LHX1: variants seen among roughly 807,000 people sequenced by gnomAD.
The protein encoded by LHX1 is LIM/homeobox protein Lhx1.
Under a neutral mutation model 34.1 loss-of-function variants are expected in LHX1, and 9 were observed. The observed-to-expected ratio is 0.26, with a 90% CI of 0.16 to 0.46. LHX1 has a LOEUF of 0.46. Among genes scored for constraint, LHX1 ranks in the 20% least tolerant of loss-of-function variants. The probability of loss-of-function intolerance (pLI) is 1.00; values close to 1 mark genes in which losing one functional copy is unlikely to be tolerated. For synonymous variants in LHX1, 254 were observed against 241.5 expected (o/e 1.05, Z -0.48); for missense variants, 446 against 559.1 (o/e 0.80, Z 2.04).
intron 1 of LHX1, 32 bp from the exon 2 acceptor site, chr17:36,940,258 C>CGGGGG: frequency 1.3e-5 from 7 of 528,878 alleles, no homozygotes; most frequent in Middle Eastern, 5.1e-4. Context: ...GACCCATCCC[C>CGGGGG]GCCCCCGCCC....
intron 3 of LHX1, chr17:36,941,244 T>A: frequency 1.9e-6 from 1 of 528,082 alleles, no homozygotes; most frequent in Non-Finnish European, 3.5e-6. Context: ...AGTCTCAGTG[T>A]CCCCCAGAGT....
rs963014837 is a variant in LHX1 at position 36,942,385 on chromosome 17, C to T, written c.841+20C>T. On this transcript the variant is annotated intron_variant, in intron 4 of 4. Coordinates refer to ENST00000614239, the MANE Select transcript of LHX1 (RefSeq NM_005568.5). ...ACGGAGGTGGGTGCGCGCCGAATGG[C>T]GGGGCGCGGCCAGGTCGGGGCGGGC... The T allele has an allele frequency of 9.6e-6, 15 of 1,566,464 alleles. No homozygotes were observed. Among genetic ancestry groups the T allele is most frequent in the Non-Finnish European group, 1.2e-5 (14 of 1,156,760 alleles).
At position 36,940,503 on chromosome 17, in the gene LHX1, C is replaced by T; in HGVS notation, c.384C>T (p.Asn128=). The part of the protein sequence containing the change: ...YLSNSSVAKE[N]SLHSATTGSD... Reference sequence around the variant, plus strand: ...GTAACAGCAGTGTTGCCAAAGAGAACAGCCTTCACTCGGGTGAGGCCCCAA... The same window carrying T: ...GTAACAGCAGTGTTGCCAAAGAGAATAGCCTTCACTCGGGTGAGGCCCCAA... The change falls in exon 2 of 5, where the codon AAC becomes AAT. Residue 128 remains asparagine (N), a synonymous_variant. Coordinates refer to ENST00000614239, the MANE Select transcript of LHX1 (RefSeq NM_005568.5). The T allele has an allele frequency of 5.0e-6, 8 of 1,613,968 alleles. No individual in the cohort carries two copies. Among genetic ancestry groups the T allele is most frequent in the African/African-American group, 1.3e-5 (1 of 75,070 alleles).
At position 36,940,528 on chromosome 17, in the gene LHX1, A is replaced by G. The variant is rs889066008; in HGVS notation, c.397+12A>G. On this transcript the variant is annotated intron_variant, in intron 2 of 4. Transcript: ENST00000614239. ...CAGCCTTCACTCGGGTGAGGCCCCA[A>G]TTCCTGGCTGGCTAGGTGCAAGCGG... 3.7e-6 allele frequency: 6 copies of G among 1,613,688 alleles called. No individual in the cohort carries two copies. Among genetic ancestry groups the G allele is most frequent in the Middle Eastern group, 1.6e-4 (1 of 6,062 alleles).
In LHX1 at chr17:36,937,691, G is replaced by A. The variant is rs905121503; in HGVS notation, c.-507G>A. ...TGGTGGGCAGCCTGGCACGCACACA[G>A]TCGCCCTCATACCCCGACAAAAGCA... On this transcript the variant is annotated 5_prime_UTR_variant, in exon 1 of 5. Transcript: ENST00000614239. 9 of 410,644 alleles carry A rather than the reference G, an allele frequency of 2.2e-5. No homozygotes were observed. Among genetic ancestry groups the A allele is most frequent in the Non-Finnish European group, 2.5e-5 (5 of 203,962 alleles). The allele number at this position is 410,644 out of a possible 1,614,324, so 25.4% of individuals were successfully genotyped here. A position where few individuals can be genotyped will look rare whatever the true frequency, so the allele number is the denominator to read the frequency against.
chr17:36,940,090 T>C, intron 1 of LHX1, 200 bp from the exon 2 acceptor site: 1 of 611,032 alleles, frequency 1.6e-6, no homozygotes, highest in Non-Finnish European at 2.9e-6. Flanking sequence ...TCTCTCCTGC[T>C]GCCTCCTCAC....
intron 4 of LHX1, 144 bp downstream of exon 4, chr17:36,942,509 G>T (rs1365743313): frequency 3.0e-6 from 3 of 985,398 alleles, no homozygotes; most frequent in African/African-American, 3.3e-5. Flanking sequence ...AGTAAATCAA[G>T]GGGAGGCGGC....
upstream of LHX1, chr17:36,937,025 C>G: frequency 3.8e-6 from 1 of 260,232 alleles, no homozygotes; most frequent in Middle Eastern, 5.1e-4. Context: ...CCGACTCCTC[C>G]CGCTGCAAAA....
In LHX1 at chr17:36,940,856, A is replaced by G; in HGVS notation, c.644A>G (p.Gln215Arg). Residue 215 changes from glutamine to arginine, a missense_variant, in exon 3 of 5, where the codon CAG becomes CGG. Gln to Arg is a conservative substitution (Grantham distance 43). Transcript: ENST00000614239. ...PTRHIREQLA[Q>R]ETGLNMRVIQ... Reference sequence around the variant, plus strand: ...CGCCACATCCGCGAGCAGCTGGCGCAGGAGACCGGCCTCAACATGCGCGTC... The same window carrying G: ...CGCCACATCCGCGAGCAGCTGGCGCGGGAGACCGGCCTCAACATGCGCGTC... The G allele has an allele frequency of 6.8e-6, 11 of 1,608,086 alleles. No individual in the cohort carries two copies. The highest frequency in any genetic ancestry group is 8.5e-6 in the Non-Finnish European group (10 of 1,178,390).
rs2070739266 is a variant in LHX1 at position 36,937,961 on chromosome 17, G to A, written c.-237G>A. 11 of 599,046 alleles carry A rather than the reference G, an allele frequency of 1.8e-5. No homozygotes were observed. The highest frequency in any genetic ancestry group is 3.3e-5 in the Non-Finnish European group (11 of 335,316). The allele number at this position is 599,046 out of a possible 1,614,324, so 37.1% of individuals were successfully genotyped here. ...AGCTCAGGCGGCGCCGCTCCAGCCC[G>A]GGGCCCCGGGACTCCCCGGCTGCAC... On this transcript the variant is annotated 5_prime_UTR_variant, in exon 1 of 5. Coordinates refer to ENST00000614239, the MANE Select transcript of LHX1 (RefSeq NM_005568.5).
Position 36,938,236 on chromosome 17 carries a change from C to T in LHX1, c.39C>T (p.Asp13=). The change falls in exon 1 of 5, where the codon GAC becomes GAT. Residue 13 remains aspartate (D), a synonymous_variant. Transcript: ENST00000614239. ...CCGGCTGCAAAAGGCCCATCCTGGA[C>T]CGCTTTCTCTTGAACGTGCTGGACA... ...HCAGCKRPIL[D]RFLLNVLDRA... is the part of the protein sequence containing the mutation. 2 of 1,614,150 alleles carry T rather than the reference C, an allele frequency of 1.2e-6. No individual in the cohort carries two copies. The highest frequency in any genetic ancestry group is 1.3e-5 in the African/African-American group (1 of 75,050).
intron 3 of LHX1, 147 bp downstream of exon 3, chr17:36,941,034 G>T: frequency 7.9e-7 from 1 of 1,260,672 alleles, no homozygotes; most frequent in Non-Finnish European, 1.1e-6. Flanking sequence ...GAGCCTGCGG[G>T]ACCTATGAAA....
chr17:36,938,867 G>C, intron 1 of LHX1: 1 of 278,792 alleles, frequency 3.6e-6, no homozygotes, highest in Non-Finnish European at 7.1e-6. Flanking sequence ...GTCAGCGGCA[G>C]GAAAGAACTC....
chr17:36,942,077 A>G, intron 3 of LHX1, 123 bp from the exon 4 acceptor site: 2 of 972,874 alleles, frequency 2.1e-6, no homozygotes, highest in Non-Finnish European at 3.1e-6. Context: ...CCCTACACAC[A>G]CACACAAGCG....
rs539119059 is a variant in LHX1, at chr17:36,940,426, G to T, written c.307G>T (p.Glu103Ter). Residue 103 changes from glutamate to a stop codon, truncating the protein, a stop_gained, in exon 2 of 5, where the codon GAA becomes TAA. Coordinates refer to ENST00000614239, the MANE Select transcript of LHX1 (RefSeq NM_005568.5). LOFTEE classifies it high-confidence loss of function. Reference protein sequence around the residue: ...MCNKQLSTGEELYIIDENKFV... With the variant: ...MCNKQLSTGE ...TAACAAGCAGCTCTCCACTGGCGAG[G>T]AACTCTACATCATCGACGAGAATAA... 6.2e-7 allele frequency: 1 copy of T among 1,614,144 alleles called. No homozygotes were observed. Among genetic ancestry groups the T allele is most frequent in the African/African-American group, 1.3e-5 (1 of 75,056 alleles).
chr17:36,943,461 A>C lies in LHX1; in HGVS notation c.*330A>C. 1 of 288,488 alleles carries C rather than the reference A, an allele frequency of 3.5e-6. No homozygotes were observed. Among genetic ancestry groups the C allele is most frequent in the Non-Finnish European group, 6.4e-6 (1 of 156,208 alleles). The allele number at this position is 288,488 out of a possible 1,614,324, so 17.9% of individuals were successfully genotyped here. A position where few individuals can be genotyped will look rare whatever the true frequency, so the allele number is the denominator to read the frequency against. The stretch of plus-strand genomic sequence containing the variant: ...TGTGCGCCTGGCAGGCGGGCGGCGA[A>C]AAGACGTCCAGGGCAGCCGCGGGTG... On this transcript the variant is annotated 3_prime_UTR_variant, in exon 5 of 5. Coordinates refer to ENST00000614239, the MANE Select transcript of LHX1 (RefSeq NM_005568.5).
In LHX1 at chr17:36,943,500, G is replaced by T. The variant is rs1009050651; in HGVS notation, c.*369G>T. The T allele has an allele frequency of 2.3e-5, 5 of 216,870 alleles. No individual in the cohort carries two copies. Among genetic ancestry groups the T allele is most frequent in the Non-Finnish European group, 4.5e-5 (5 of 110,656 alleles). The allele number at this position is 216,870 out of a possible 1,614,324, so 13.4% of individuals were successfully genotyped here. On this transcript the variant is annotated 3_prime_UTR_variant, in exon 5 of 5. Coordinates refer to ENST00000614239, the MANE Select transcript of LHX1 (RefSeq NM_005568.5). ...CAGCCGCGGGTGCGCACAGCCGTTG[G>T]CGATGCCAGGAGCCGTGGGGAGGGA...
chr17:36,942,984 G>T lies in LHX1; in HGVS notation c.1074G>T (p.Glu358Asp). The change falls in exon 5 of 5, where the codon GAG (glutamate) becomes GAT (aspartate). Residue 358 changes from glutamate to aspartate, a missense_variant. By Grantham distance (45) the Glu-to-Asp change is conservative. Coordinates refer to ENST00000614239, the MANE Select transcript of LHX1 (RefSeq NM_005568.5). ...AHPPGDSPSP[E>D]PSLPGPLHSM... ...CACCCGGGGACTCGCCCAGCCCCGA[G>T]CCCAGCCTGCCCGGGCCTCTGCACT... is the stretch of plus-strand genomic sequence containing the variant. 6.2e-7 allele frequency: 1 copy of T among 1,611,220 alleles called. No homozygotes were observed. The highest frequency in any genetic ancestry group is 8.5e-7 in the Non-Finnish European group (1 of 1,179,244).
intron 3 of LHX1, 49 bp downstream of exon 3, chr17:36,940,936 T>G (rs112080613): frequency 6.5e-7 from 1 of 1,544,764 alleles, no homozygotes; most frequent in South Asian, 1.2e-5. Context: ...ACACTGCCAC[T>G]TTGGGCACCC....
Sources: allele counts gnomAD v4.1 joint callset, GRCh38; gene constraint gnomAD v4.1.1; transcripts MANE v1.5; gene names NCBI Gene and HGNC (gene_info 2026-07-23, HGNC 2026-07-21).